Variants in ANK3 observed in about 807,000 individuals in gnomAD.
ANK3 encodes the protein ankyrin 3, also known as ankyrin-3.
ANK3 carries 57 observed loss-of-function variants against 370.9 expected under a neutral mutation model. The ratio of observed to expected loss-of-function variants is 0.15; its 90% CI spans 0.12 to 0.19. The LOEUF (loss-of-function observed/expected upper bound fraction) is 0.19. Among genes scored for constraint, ANK3 ranks in the 10% least tolerant of loss-of-function variants. ANK3 has a pLI of 1.00. For synonymous variants in ANK3, 1,929 were observed against 1,946.3 expected (o/e 0.99, Z 0.23); for missense variants, 4,439 against 5,302.1 (o/e 0.84, Z 5.06).
chr10:60,238,333 T>G (rs1322334357), intron 7 of ANK3, among the ~76,000 whole-genome samples: 1 of 152,218 alleles, frequency 6.6e-6, no homozygotes, highest in Non-Finnish European at 1.5e-5. Flanking sequence ...CCTCATTTAC[T>G]GCTGGTGAAA....
In ANK3 at chr10:60,589,899, C is replaced by T. The variant is rs114320469; in HGVS notation, c.96+25287G>A. 4.5e-3 allele frequency among the ~76,000 whole-genome samples: 685 copies of T among 152,282 alleles called. 7 individuals carry two copies. The highest frequency in any genetic ancestry group is 0.016 in the African/African-American group (646 of 41,532). ...CAATCCTAACTGAAGAAATAGCCTT[C>T]CTTTCAATTTCCACAATTTTGCCCC... On this transcript the variant is annotated intron_variant, in intron 2 of 43. Coordinates refer to the ANK3 transcript ENST00000373827.
At chr10:60,607,891 C>G (rs1271269763) in intron 2 of ANK3, among the ~76,000 whole-genome samples, 1 of 152,280 alleles carries the variant, frequency 6.6e-6, no homozygotes, top group East Asian at 1.9e-4. Flanking sequence ...GAGGGAGAAA[C>G]CTACCTAATG....
intron 2 of ANK3, among the ~76,000 whole-genome samples, chr10:60,526,348 C>G (rs2076470294): frequency 6.6e-6 from 1 of 152,080 alleles, no homozygotes; most frequent in South Asian, 2.1e-4. Flanking sequence ...AAATCAGTAG[C>G]AACTTTAAAA....
chr10:60,493,737 G>A (rs1041220669), intron 2 of ANK3, among the ~76,000 whole-genome samples: 1 of 151,858 alleles, frequency 6.6e-6, no homozygotes, highest in Non-Finnish European at 1.5e-5. Context: ...CCCCAAAATG[G>A]GTTGGCTATA....
At chr10:60,089,620 T>C (rs2087690381) in intron 28 of ANK3, among the ~76,000 whole-genome samples, 1 of 152,118 alleles carries the variant, frequency 6.6e-6, no homozygotes, top group Admixed American at 6.6e-5. Context: ...GCAAGAGTAT[T>C]TTGGAAAAGT....
intron 7 of ANK3, among the ~76,000 whole-genome samples, chr10:60,260,471 G>A (rs1051333623): frequency 6.6e-6 from 1 of 152,134 alleles, no homozygotes; most frequent in Non-Finnish European, 1.5e-5. Flanking sequence ...AGAAGTGAGG[G>A]TTCAGCAAAA....
Position 60,075,871 on chromosome 10 carries a change from T to C in ANK3, c.5010A>G (p.Leu1670=). ...FKSIITSAAP[L]ISSPLKSVVS... is the part of the protein sequence containing the mutation. ...CCACTGACTTTAAAGGTGAAGATAT[T>C]AGCGGTGCTGCTGATGTAATAATTG... is the stretch of plus-strand genomic sequence containing the variant. Residue 1670 remains leucine (L), a synonymous_variant, in exon 37 of 44, where the codon CTA becomes CTG. Coordinates refer to ENST00000280772, the MANE Select transcript of ANK3 (RefSeq NM_020987.5). 1 of 1,614,168 alleles carries C rather than the reference T, an allele frequency of 6.2e-7. No individual in the cohort carries two copies. Among genetic ancestry groups the C allele is most frequent in the Non-Finnish European group, 8.5e-7 (1 of 1,180,004 alleles).
At chr10:60,083,467 A>T in intron 33 of ANK3, 25 bp downstream of exon 33, 5 of 1,598,438 alleles carry the variant, frequency 3.1e-6, no homozygotes, top group Non-Finnish European at 4.3e-6. Context: ...CATAATTCAC[A>T]GATTCTCTGT....
chr10:60,322,458 G>T (rs943335156), intron 1 of ANK3, among the ~76,000 whole-genome samples: 1 of 151,398 alleles, frequency 6.6e-6, no homozygotes, highest in Admixed American at 6.6e-5. Flanking sequence ...AACAGTAGTG[G>T]TATTATTTGA....
chr10:60,630,980 G>A (rs2078475852), intron 1 of ANK3, among the ~76,000 whole-genome samples: 1 of 152,098 alleles, frequency 6.6e-6, no homozygotes, highest in Non-Finnish European at 1.5e-5. Context: ...TACCCTGGAG[G>A]CAGAGAAAAC....
At position 60,658,222 on chromosome 10, in the gene ANK3, T is replaced by A. The variant is rs557534044; in HGVS notation, c.58-42998A>T. On this transcript the variant is annotated intron_variant, in intron 1 of 43. Coordinates refer to the ANK3 transcript ENST00000373827. ...TGTGACTATATTTAGGTTTGCCTTTTAAAAAAAAAATGTCTCATCCTTTTT... is the reference window on the plus strand; with the variant it reads ...TGTGACTATATTTAGGTTTGCCTTTAAAAAAAAAAATGTCTCATCCTTTTT... 4.4e-4 allele frequency among the ~76,000 whole-genome samples: 66 copies of A among 149,450 alleles called. No homozygotes were observed. In the South Asian group the frequency reaches 0.012, roughly 28 times the overall value.
chr10:60,637,940 G>C (rs2078577690), intron 1 of ANK3, among the ~76,000 whole-genome samples: 1 of 152,144 alleles, frequency 6.6e-6, no homozygotes, highest in South Asian at 2.1e-4. Context: ...TCAGCCCTGA[G>C]TGCTCATTTT....
intron 23 of ANK3, among the ~76,000 whole-genome samples, chr10:60,163,124 C>A (rs1022693352): frequency 6.6e-6 from 1 of 151,628 alleles, no homozygotes; most frequent in African/African-American, 2.4e-5. Flanking sequence ...TCCTTCCTTC[C>A]TTCTCTCTTC....
intron 21 of ANK3, 51 bp from the exon 22 acceptor site, chr10:60,166,947 T>A (rs773188594): frequency 6.1e-5 from 88 of 1,449,154 alleles, no homozygotes; most frequent in Non-Finnish European, 7.7e-5. Flanking sequence ...TACATTTTAA[T>A]GGGTCTTTTC....
intron 2 of ANK3, among the ~76,000 whole-genome samples, chr10:60,574,282 T>C (rs1360886559): frequency 6.6e-6 from 1 of 152,164 alleles, no homozygotes; most frequent in Admixed American, 6.5e-5. Context: ...AGCATAGGGA[T>C]TCAAGTGACA....
intron 36 of ANK3, among the ~76,000 whole-genome samples, chr10:60,077,923 A>G (rs1263490579): frequency 6.6e-6 from 1 of 152,204 alleles, no homozygotes; most frequent in East Asian, 1.9e-4. Flanking sequence ...TCTTCTGGCA[A>G]TGGAGCAAGA....
At chr10:60,273,488 C>T (rs2098034177) in intron 4 of ANK3, among the ~76,000 whole-genome samples, 1 of 152,154 alleles carries the variant, frequency 6.6e-6, no homozygotes, top group African/African-American at 2.4e-5. Context: ...CTCTATACTC[C>T]TTAGTGATCA....
At chr10:60,488,351 G>A (rs747328607) in intron 2 of ANK3, among the ~76,000 whole-genome samples, 3 of 152,228 alleles carry the variant, frequency 2.0e-5, no homozygotes, top group Non-Finnish European at 2.9e-5. Context: ...GTGGGCAGAC[G>A]AAGAGCTCCT....
chr10:60,053,725 G>T, intron 42 of ANK3: 1 of 1,303,702 alleles, frequency 7.7e-7, no homozygotes, highest in Non-Finnish European at 1.0e-6. Flanking sequence ...CCGGACTTTT[G>T]ACCTGATTTT....
Sources: gnomAD v4.1 joint callset for allele counts (sites outside exome capture counted in the v4.1 genomes callset) on GRCh38, gnomAD v4.1.1 for gene constraint, MANE v1.5 for transcripts, NCBI Gene and HGNC (gene_info 2026-07-23, HGNC 2026-07-21) for gene names.